The following CEMIP variants were observed in gnomAD, a reference collection of about 807,000 sequenced individuals.
CEMIP encodes the protein cell migration-inducing and hyaluronan-binding protein.
A neutral mutation model predicts 156.9 loss-of-function variants in CEMIP; 105 were observed. The ratio of observed to expected loss-of-function variants is 0.67; its 90% CI spans 0.57 to 0.79. CEMIP has a LOEUF of 0.79. Among genes scored for constraint, CEMIP ranks in the 30% least tolerant of loss-of-function variants. The pLI, the probability that CEMIP is intolerant of heterozygous loss-of-function variation, is 0.00. For synonymous variants in CEMIP, 676 were observed against 668.4 expected (o/e 1.01, Z -0.17); for missense variants, 1,457 against 1,769.4 (o/e 0.82, Z 3.17).
chr15:80,860,046 G>A (rs1488798159), intron 1 of CEMIP, among the ~76,000 whole-genome samples: 9 of 152,012 alleles, frequency 5.9e-5, no homozygotes, highest in Non-Finnish European at 1.3e-4. Context: ...TACACACACA[G>A]GGACACGCAT....
chr15:80,924,747 C>A (rs1900596284), intron 18 of CEMIP, 41 bp downstream of exon 18: 1 of 1,526,520 alleles, frequency 6.6e-7, no homozygotes. Flanking sequence ...GGTGACCTTG[C>A]AGTCCAGCTC....
chr15:80,814,344 C>T (rs1457348749), intron 1 of CEMIP, among the ~76,000 whole-genome samples: 5 of 152,076 alleles, frequency 3.3e-5, no homozygotes, highest in Admixed American at 1.3e-4. Flanking sequence ...CCACTGAGCC[C>T]GGCCTAAACT....
chr15:80,852,418 T>C (rs1897736131), intron 1 of CEMIP, among the ~76,000 whole-genome samples: 1 of 151,786 alleles, frequency 6.6e-6, no homozygotes, highest in South Asian at 2.1e-4. Context: ...AGTGGAGAGG[T>C]ACGATTACTA....
intron 3 of CEMIP, among the ~76,000 whole-genome samples, chr15:80,875,021 ATTTTTTTTTTTTTTTT>A (rs755707756): frequency 1.5e-5 from 1 of 64,916 alleles, no homozygotes; most frequent in East Asian, 6.5e-4. Flanking sequence ...AGCAAGTAGC[ATTTTTTTTTTTTTTTT>A]TTTTTTTTTT....
intron 9 of CEMIP, among the ~76,000 whole-genome samples, chr15:80,889,216 A>G (rs1297597539): frequency 6.6e-6 from 1 of 152,232 alleles, no homozygotes; most frequent in Non-Finnish European, 1.5e-5. Flanking sequence ...TTTTCTCTTT[A>G]ATTTGCTTTT....
At chr15:80,796,944 AG>A (rs1344766688) in intron 1 of CEMIP, among the ~76,000 whole-genome samples, 2 of 152,152 alleles carry the variant, frequency 1.3e-5, no homozygotes, top group Non-Finnish European at 2.9e-5. Flanking sequence ...TTGATTAGAG[AG>A]GGCATTTTAG....
chr15:80,837,614 G>C (rs900953038), intron 1 of CEMIP, among the ~76,000 whole-genome samples: 5 of 152,244 alleles, frequency 3.3e-5, no homozygotes, highest in African/African-American at 1.2e-4. Flanking sequence ...TTGGCTGGAA[G>C]TCTTGTTCCA....
At chr15:80,892,539 C>T (rs1198599540) in intron 10 of CEMIP, among the ~76,000 whole-genome samples, 1 of 152,136 alleles carries the variant, frequency 6.6e-6, no homozygotes, top group Non-Finnish European at 1.5e-5. Flanking sequence ...CCCACAGCAG[C>T]TGGTGCAGTG....
chr15:80,823,781 T>A (rs754491186), intron 1 of CEMIP, among the ~76,000 whole-genome samples: 2 of 152,196 alleles, frequency 1.3e-5, no homozygotes, highest in Non-Finnish European at 2.9e-5. Flanking sequence ...ATGAAGGCAC[T>A]TCCAGAAGGT....
rs981179988 is a variant in CEMIP at position 80,873,704 on chromosome 15, C to T, written c.-17+8C>T. ...CAGCTGGGGAAGCCACTGGTGAGGACGCTGCACTGGAGTGTGGGCTGGCTG... is the reference window on the plus strand; with the variant it reads ...CAGCTGGGGAAGCCACTGGTGAGGATGCTGCACTGGAGTGTGGGCTGGCTG... On this transcript the variant is annotated splice_region_variant and intron_variant, in intron 2 of 29. Transcript: ENST00000394685. 1.1e-5 allele frequency: 7 copies of T among 624,722 alleles called. No homozygotes were observed. Among genetic ancestry groups the T allele is most frequent in the African/African-American group, 1.8e-5 (1 of 55,636 alleles). The allele number at this position is 624,722 out of a possible 1,614,324, so 38.7% of individuals were successfully genotyped here. A position where few individuals can be genotyped will look rare whatever the true frequency, so the allele number is the denominator to read the frequency against.
At chr15:80,799,819 C>G (rs927090060) in intron 1 of CEMIP, among the ~76,000 whole-genome samples, 2 of 152,062 alleles carry the variant, frequency 1.3e-5, no homozygotes, top group East Asian at 3.9e-4. Flanking sequence ...TAAGCCCTGA[C>G]TTGATCACAA....
At chr15:80,792,506 C>T (rs1452984710) in intron 1 of CEMIP, among the ~76,000 whole-genome samples, 1 of 152,130 alleles carries the variant, frequency 6.6e-6, no homozygotes, top group Non-Finnish European at 1.5e-5. Flanking sequence ...TTATCCATCC[C>T]CTAAAATAGG....
intron 3 of CEMIP, among the ~76,000 whole-genome samples, chr15:80,874,295 A>G (rs1394460697): frequency 2.6e-5 from 4 of 152,372 alleles, no homozygotes; most frequent in African/African-American, 9.6e-5. Context: ...AGACCCTTCT[A>G]AAGGGAAACA....
intron 1 of CEMIP, among the ~76,000 whole-genome samples, chr15:80,869,446 C>T (rs1295742451): frequency 1.3e-5 from 2 of 152,176 alleles, no homozygotes; most frequent in Non-Finnish European, 2.9e-5. Context: ...GAAAAACTGA[C>T]TTATATTCTC....
intron 1 of CEMIP, among the ~76,000 whole-genome samples, chr15:80,825,735 A>G (rs1340219847): frequency 1.3e-5 from 2 of 152,212 alleles, no homozygotes; most frequent in Non-Finnish European, 2.9e-5. Context: ...CAGATCTCTC[A>G]GATATCATTC....
intron 1 of CEMIP, among the ~76,000 whole-genome samples, chr15:80,848,680 G>A (rs1026956548): frequency 6.6e-6 from 1 of 152,182 alleles, no homozygotes; most frequent in Non-Finnish European, 1.5e-5. Context: ...AGATGAGAAG[G>A]GGTTCCCAGG....
intron 1 of CEMIP, among the ~76,000 whole-genome samples, chr15:80,854,440 C>A (rs1396792490): frequency 2.6e-5 from 4 of 152,242 alleles, no homozygotes; most frequent in African/African-American, 9.6e-5. Flanking sequence ...CCATTTTTAA[C>A]AGCATCTGTA....
At chr15:80,868,704 G>T (rs76333296) in intron 1 of CEMIP, among the ~76,000 whole-genome samples, 2,841 of 152,316 alleles carry the variant, frequency 0.019, 90 homozygotes, top group African/African-American at 0.064. Flanking sequence ...GGGCAAGTTA[G>T]ATACTTTGTG....
chr15:80,841,236 A>G (rs1258473832), intron 1 of CEMIP, among the ~76,000 whole-genome samples: 1 of 152,216 alleles, frequency 6.6e-6, no homozygotes, highest in Non-Finnish European at 1.5e-5. Context: ...TAAAAACACT[A>G]TGCAGGACGA....
Sources: gnomAD v4.1 joint callset for allele counts (sites outside exome capture counted in the v4.1 genomes callset) on GRCh38, gnomAD v4.1.1 for gene constraint, MANE v1.5 for transcripts, NCBI Gene and HGNC (gene_info 2026-07-23, HGNC 2026-07-21) for gene names.